ANLN: variants seen among roughly 807,000 people sequenced by gnomAD.
The protein encoded by ANLN is anillin.
In ANLN, 59 loss-of-function variants were observed where a neutral mutation model predicts 135.1. The ratio of observed to expected loss-of-function variants is 0.44; its 90% CI spans 0.35 to 0.54. The LOEUF (loss-of-function observed/expected upper bound fraction) is 0.54. Among genes scored for constraint, ANLN ranks in the 20% least tolerant of loss-of-function variants. ANLN has a pLI of 0.00. For synonymous variants in ANLN, 406 were observed against 456.4 expected (o/e 0.89, Z 1.41); for missense variants, 1,182 against 1,340.0 (o/e 0.88, Z 1.84).
intron 15 of ANLN, 77 bp downstream of exon 15, chr7:36,424,020 G>C (rs1004748496): frequency 1.4e-6 from 2 of 1,434,886 alleles, no homozygotes; most frequent in East Asian, 5.0e-5. Flanking sequence ...GCATTCAGGT[G>C]GCATTTATAA....
At chr7:36,430,347 G>A (rs527429854) in intron 20 of ANLN, among the ~76,000 whole-genome samples, 5 of 152,108 alleles carry the variant, frequency 3.3e-5, no homozygotes, top group Admixed American at 6.6e-5. Flanking sequence ...TTTGCTCTGC[G>A]GATTTAGGAC....
Position 36,407,856 on chromosome 7 carries a change from A to G in ANLN, c.996A>G (p.Pro332=), listed in dbSNP as rs747757684. The G allele has an allele frequency of 5.0e-6, 8 of 1,613,844 alleles. No homozygotes were observed. Among genetic ancestry groups the G allele is most frequent in the Admixed American group, 3.3e-5 (2 of 59,998 alleles). Residue 332 remains proline (P), a synonymous_variant, in exon 5 of 24, where the codon CCA becomes CCG. Coordinates refer to ENST00000265748, the MANE Select transcript of ANLN (RefSeq NM_018685.5). ...CTCTGAAAACGGGGGTATCGAAACCAATTGTGAAGTCAACTTTATCCCAGA... is the reference window on the plus strand; with the variant it reads ...CTCTGAAAACGGGGGTATCGAAACCGATTGTGAAGTCAACTTTATCCCAGA... ...ISPLKTGVSK[P]IVKSTLSQTV...
intron 5 of ANLN, among the ~76,000 whole-genome samples, chr7:36,409,969 G>A (rs1008075677): frequency 4.6e-5 from 7 of 152,042 alleles, no homozygotes; most frequent in African/African-American, 1.2e-4. Flanking sequence ...ACTGCACCCC[G>A]CTGAATACTA....
In ANLN at chr7:36,406,171, A is replaced by T; in HGVS notation, c.488-10A>T. 6.3e-7 allele frequency: 1 copy of T among 1,578,826 alleles called. No homozygotes were observed. The highest frequency in any genetic ancestry group is 2.3e-5 in the East Asian group (1 of 44,238). ...CATGGTTTTTAACTCTTTTCTGAAA[A>T]CATTTTCAGATGACATTCCTGAAAG... On this transcript the variant is annotated splice_polypyrimidine_tract_variant and intron_variant, in intron 3 of 23. Transcript: ENST00000265748.
intron 20 of ANLN, among the ~76,000 whole-genome samples, chr7:36,437,073 A>G (rs1788577856): frequency 6.6e-6 from 1 of 152,188 alleles, no homozygotes; most frequent in South Asian, 2.1e-4. Flanking sequence ...ATTATGTTAT[A>G]TAGCAGATCT....
chr7:36,443,732 A>G (rs756826574), intron 21 of ANLN, 23 bp from the exon 22 acceptor site: 1 of 1,539,858 alleles, frequency 6.5e-7, no homozygotes, highest in South Asian at 1.1e-5. Context: ...TTCTAAAGCC[A>G]GCATTTCAAC....
chr7:36,432,913 C>G (rs1788390850), intron 20 of ANLN, among the ~76,000 whole-genome samples: 1 of 152,166 alleles, frequency 6.6e-6, no homozygotes, highest in Admixed American at 6.5e-5. Context: ...AGTTCATTTT[C>G]CCATCCCAGT....
At chr7:36,412,330 T>A (rs865947156) in intron 7 of ANLN, among the ~76,000 whole-genome samples, 8,544 of 115,234 alleles carry the variant, frequency 0.074, 182 homozygotes, top group Non-Finnish European at 0.094. Flanking sequence ...TATATATATT[T>A]TTTTTTTTTT....
rs139375236 is a variant in ANLN, at chr7:36,451,865, C to T, written c.3252-612C>T. On this transcript the variant is annotated intron_variant, in intron 23 of 23. Coordinates refer to ENST00000265748, the MANE Select transcript of ANLN (RefSeq NM_018685.5). ...CTGCCCCATCAACTAGTTATTTAGTCAACTTGTAGCTAAATATGGATGAAA... is the reference window on the plus strand; with the variant it reads ...CTGCCCCATCAACTAGTTATTTAGTTAACTTGTAGCTAAATATGGATGAAA... Among the ~76,000 whole-genome samples the T allele has an allele frequency of 8.0e-3, 1,213 of 152,292 alleles. 9 individuals carry two copies. Among genetic ancestry groups the T allele is most frequent in the Middle Eastern group, 0.034 (10 of 294 alleles).
intron 8 of ANLN, among the ~76,000 whole-genome samples, chr7:36,416,793 T>C (rs1194583888): frequency 6.6e-6 from 1 of 152,130 alleles, no homozygotes; most frequent in Admixed American, 6.5e-5. Flanking sequence ...TTATGCCTAG[T>C]GTTCCATTAT....
At chr7:36,422,964 A>T (rs1340665396) in intron 14 of ANLN, among the ~76,000 whole-genome samples, 155 bp downstream of exon 14, 1 of 150,438 alleles carries the variant, frequency 6.6e-6, no homozygotes, top group Non-Finnish European at 1.5e-5. Flanking sequence ...AAATAAGAAA[A>T]CTTCAGATAT....
At chr7:36,447,953 GCACA>G (rs931608967) in intron 22 of ANLN, among the ~76,000 whole-genome samples, 1 of 151,706 alleles carries the variant, frequency 6.6e-6, no homozygotes, top group African/African-American at 2.4e-5. Context: ...ATACACTGCT[GCACA>G]CACACACACC....
intron 5 of ANLN, 85 bp downstream of exon 5, chr7:36,408,041 G>A (rs1787265173): frequency 1.9e-6 from 2 of 1,072,682 alleles, no homozygotes; most frequent in African/African-American, 1.6e-5. Context: ...ATTGTGAATG[G>A]TACAGCAATG....
chr7:36,451,523 A>G (rs1465600357), intron 23 of ANLN, among the ~76,000 whole-genome samples: 1 of 152,056 alleles, frequency 6.6e-6, no homozygotes, highest in Non-Finnish European at 1.5e-5. Flanking sequence ...GATTTTTTTT[A>G]TTTTTATTAG....
intron 1 of ANLN, among the ~76,000 whole-genome samples, chr7:36,395,832 G>C (rs1786672516): frequency 6.6e-6 from 1 of 151,980 alleles, no homozygotes; most frequent in Non-Finnish European, 1.5e-5. Flanking sequence ...GTCTCCTCTA[G>C]TAGACTTAAC....
chr7:36,426,285 C>T (rs1278090547), intron 19 of ANLN, among the ~76,000 whole-genome samples: 1 of 152,120 alleles, frequency 6.6e-6, no homozygotes, highest in Non-Finnish European at 1.5e-5. Flanking sequence ...CAGCAGGTGG[C>T]ATTACTCTTT....
At chr7:36,436,516 A>T (rs1788556531) in intron 20 of ANLN, among the ~76,000 whole-genome samples, 1 of 152,306 alleles carries the variant, frequency 6.6e-6, no homozygotes, top group East Asian at 1.9e-4. Flanking sequence ...ATCATGTGAT[A>T]ATTATTTTTA....
At chr7:36,432,717 TTGAG>T (rs1464463117) in intron 20 of ANLN, among the ~76,000 whole-genome samples, 4 of 152,262 alleles carry the variant, frequency 2.6e-5, no homozygotes, top group Admixed American at 2.0e-4. Flanking sequence ...TCTGGATTAA[TTGAG>T]TATTTTGGTA....
intron 8 of ANLN, among the ~76,000 whole-genome samples, 167 bp from the exon 9 acceptor site, chr7:36,416,913 G>A (rs1054975351): frequency 1.3e-5 from 2 of 151,674 alleles, no homozygotes; most frequent in Non-Finnish European, 2.9e-5. Flanking sequence ...TGGGTTAAGA[G>A]AGGACAGGTG....
Sources: allele counts gnomAD v4.1 joint callset (sites outside exome capture counted in the v4.1 genomes callset), GRCh38; gene constraint gnomAD v4.1.1; transcripts MANE v1.5; gene names NCBI Gene and HGNC (gene_info 2026-07-23, HGNC 2026-07-21).